The following ARHGEF7 variants were observed in gnomAD, a reference collection of about 807,000 sequenced individuals.
ARHGEF7 encodes PAK-interacting exchange factor beta.
ARHGEF7 carries 33 observed loss-of-function variants against 109.8 expected under a neutral mutation model. That is an observed-to-expected ratio of 0.30 (90% CI 0.23 to 0.40). The LOEUF is 0.40. Among genes scored for constraint, ARHGEF7 ranks in the 10% least tolerant of loss-of-function variants. The pLI, the probability that ARHGEF7 is intolerant of heterozygous loss-of-function variation, is 1.00. For synonymous variants in ARHGEF7, 458 were observed against 424.6 expected, an observed-to-expected ratio of 1.08 and a Z score of -0.97; for missense variants, 938 against 1,098.5, an observed-to-expected ratio of 0.85 and a Z score of 2.07.
rs756560465 is a variant in ARHGEF7 at position 111,272,055 on chromosome 13, G to A, written c.1074-1759G>A. Among the ~76,000 whole-genome samples, 1 of 152,212 alleles carries A rather than the reference G, an allele frequency of 6.6e-6. No homozygotes were observed. Among genetic ancestry groups the A allele is most frequent in the African/African-American group, 2.4e-5 (1 of 41,446 alleles). On this transcript the variant is annotated intron_variant, in intron 9 of 21. Transcript: ENST00000646102. This position sits in a 1 kb window ranked among gnomAD's most constrained non-coding sequence, Gnocchi z 5.2. ...AAGTGGCCTTCTCAGAAGGTCTTAC[G>A]TGCTTAGGAAGTGGAAGGCTGGTTT...
intron 2 of ARHGEF7, chr13:111,185,190 A>G (rs57706716): frequency 0.14 from 21,388 of 152,094 alleles, 1,555 homozygotes; most frequent in South Asian, 0.21. Flanking sequence ...TGAGCTTCCC[A>G]TCAGGAAGAA....
At chr13:111,155,416 AAG>A (rs1566648454) in intron 2 of ARHGEF7, among the ~76,000 whole-genome samples, 1 of 152,202 alleles carries the variant, frequency 6.6e-6, no homozygotes, top group East Asian at 1.9e-4. Flanking sequence ...TGTAAACACA[AAG>A]AAATTTATTG....
rs988337777 is a variant in ARHGEF7 at position 111,239,418 on chromosome 13, C to T, written c.760-4454C>T. Among the ~76,000 whole-genome samples the T allele has an allele frequency of 2.0e-4, 30 of 152,308 alleles. No homozygotes were observed. Among genetic ancestry groups the T allele is most frequent in the African/African-American group, 6.5e-4 (27 of 41,570 alleles). ...CCGCACACCTGTCTTTTCCTCCCTG[C>T]TCCTTTAGTTTGCGATGGCCTTCAG... is the stretch of plus-strand genomic sequence containing the variant. On this transcript the variant is annotated intron_variant, in intron 6 of 21. Coordinates refer to ENST00000646102, the MANE Select transcript of ARHGEF7 (RefSeq NM_001354046.2). This position sits in a 1 kb window ranked among gnomAD's most constrained non-coding sequence, Gnocchi z 4.3.
chr13:111,265,711 G>A (rs1419244628), intron 8 of ARHGEF7: 3 of 456,138 alleles, frequency 6.6e-6, no homozygotes, highest in East Asian at 1.4e-4. Flanking sequence ...GTATTAAAAG[G>A]TGGGCCTTGG....
Position 111,181,266 on chromosome 13 carries a change from T to C in ARHGEF7, c.253-24023T>C, listed in dbSNP as rs189654656. ...CAGGACAAGGGAACTTTGGAATTGG[T>C]AAATTTGTGTATTAAGGGTTTCAAG... On this transcript the variant is annotated intron_variant, in intron 2 of 21. Coordinates refer to ENST00000646102, the MANE Select transcript of ARHGEF7 (RefSeq NM_001354046.2). 2.8e-4 allele frequency among the ~76,000 whole-genome samples: 42 copies of C among 152,334 alleles called. No individual in the cohort carries two copies. In the East Asian group the frequency reaches 8.1e-3, roughly 29 times the overall value.
At chr13:111,179,495 C>G (rs2078525586) in intron 2 of ARHGEF7, among the ~76,000 whole-genome samples, 1 of 152,170 alleles carries the variant, frequency 6.6e-6, no homozygotes, top group African/African-American at 2.4e-5. Flanking sequence ...AGAACATTCT[C>G]CTACATAACC....
chr13:111,204,297 T>TC, intron 2 of ARHGEF7, among the ~76,000 whole-genome samples: 1 of 152,318 alleles, frequency 6.6e-6, no homozygotes, highest in South Asian at 2.1e-4. Context: ...GATGCTTATT[T>TC]CCGGTAATCT....
intron 5 of ARHGEF7, among the ~76,000 whole-genome samples, chr13:111,224,922 T>A (rs948378765): frequency 6.6e-6 from 1 of 152,192 alleles, no homozygotes; most frequent in African/African-American, 2.4e-5. Context: ...TCAGCACTAT[T>A]GTTTCAAGAT....
At chr13:111,196,059 C>T (rs140383545) in intron 2 of ARHGEF7, among the ~76,000 whole-genome samples, 275 of 152,308 alleles carry the variant, frequency 1.8e-3, no homozygotes, top group African/African-American at 6.2e-3. Flanking sequence ...GATCAATTGA[C>T]CCTCTAGGGA....
At chr13:111,211,861 A>G (rs1172799389) in intron 4 of ARHGEF7, among the ~76,000 whole-genome samples, 1 of 152,254 alleles carries the variant, frequency 6.6e-6, no homozygotes, top group Non-Finnish European at 1.5e-5. Flanking sequence ...GAACATTTCC[A>G]TGATAAAAAG....
chr13:111,215,396 G>T (rs2083001773), intron 4 of ARHGEF7, among the ~76,000 whole-genome samples: 1 of 151,148 alleles, frequency 6.6e-6, no homozygotes, highest in African/African-American at 2.4e-5. Flanking sequence ...TCCTTAATTT[G>T]GGGTGATATC....
chr13:111,115,440 C>T lies in ARHGEF7; in HGVS notation c.-87C>T, dbSNP rs1401358055. The T allele has an allele frequency of 9.5e-6, 9 of 950,354 alleles. No individual in the cohort carries two copies. The highest frequency in any genetic ancestry group is 1.0e-5 in the Non-Finnish European group (8 of 800,174). The allele number at this position is 950,354 out of a possible 1,614,324, so 58.9% of individuals were successfully genotyped here. A position where few individuals can be genotyped will look rare whatever the true frequency, so the allele number is the denominator to read the frequency against. On this transcript the variant is annotated 5_prime_UTR_variant, in exon 1 of 22. Coordinates refer to ENST00000646102, the MANE Select transcript of ARHGEF7 (RefSeq NM_001354046.2). ...GCCGGCCGCTCGATGGGCGAGGCGG[C>T]GGCGGCGGCGGCGGGGGCCGCGGGC...
At position 111,145,560 on chromosome 13, in the gene ARHGEF7, G is replaced by T. The variant is rs72670018; in HGVS notation, c.166-8345G>T. ...TGTTAAACACCTGGCTGTCTGGGAG[G>T]GGTGGCCCTGGCGTGTACCGTTTGC... is the stretch of plus-strand genomic sequence containing the variant. On this transcript the variant is annotated intron_variant, in intron 1 of 21. Coordinates refer to ENST00000646102, the MANE Select transcript of ARHGEF7 (RefSeq NM_001354046.2). This position sits in a 1 kb window ranked among gnomAD's most constrained non-coding sequence, Gnocchi z 4.3. Among the ~76,000 whole-genome samples, 7,952 of 152,268 alleles carry T rather than the reference G, an allele frequency of 0.052. 236 individuals are homozygous for T. Among genetic ancestry groups the T allele is most frequent in the Middle Eastern group, 0.068 (20 of 294 alleles).
chr13:111,180,201 T>G (rs2078602150), intron 2 of ARHGEF7, among the ~76,000 whole-genome samples: 2 of 152,150 alleles, frequency 1.3e-5, no homozygotes. Context: ...GAGGAGAAAA[T>G]GTTACTTTGC....
At chr13:111,189,264 A>C (rs1008341971) in intron 2 of ARHGEF7, among the ~76,000 whole-genome samples, 4 of 152,200 alleles carry the variant, frequency 2.6e-5, no homozygotes, top group Non-Finnish European at 5.9e-5. Context: ...TGACTTCAAG[A>C]ATGAAGCCGC....
chr13:111,286,045 A>C, intron 16 of ARHGEF7, 102 bp from the exon 17 acceptor site: 1 of 803,252 alleles, frequency 1.2e-6, no homozygotes, highest in Non-Finnish European at 2.1e-6. Context: ...ATCAGTGGCT[A>C]TAATAATTTG....
At chr13:111,189,118 G>A (rs1566755791) in intron 2 of ARHGEF7, among the ~76,000 whole-genome samples, 2 of 152,214 alleles carry the variant, frequency 1.3e-5, no homozygotes, top group African/African-American at 2.4e-5. Flanking sequence ...AGGATAGGAG[G>A]TTGGCTGGAA....
intron 8 of ARHGEF7, among the ~76,000 whole-genome samples, chr13:111,247,200 C>T (rs2153552829): frequency 6.6e-6 from 1 of 151,840 alleles, no homozygotes; most frequent in Non-Finnish European, 1.5e-5. Flanking sequence ...GTCTTTTTGT[C>T]CTATATGTGA....
intron 4 of ARHGEF7, among the ~76,000 whole-genome samples, chr13:111,216,277 TG>T (rs1053343228): frequency 3.3e-5 from 5 of 151,338 alleles, no homozygotes; most frequent in Admixed American, 1.3e-4. Context: ...TGTTGCTGGA[TG>T]GGGGGGTGAT....
Sources: gnomAD v4.1 joint callset for allele counts (sites outside exome capture counted in the v4.1 genomes callset) on GRCh38, gnomAD v4.1.1 for gene constraint, Gnocchi (gnomAD v3.1) non-coding constraint, MANE v1.5 for transcripts, NCBI Gene and HGNC (gene_info 2026-07-23, HGNC 2026-07-21) for gene names.